DNAH9: variants seen among roughly 807,000 people sequenced by gnomAD.
DNAH9 encodes DNAH9 variant protein.
DNAH9 carries 345 observed loss-of-function variants against 471.6 expected under a neutral mutation model. The observed-to-expected ratio is 0.73, with a 90% confidence interval of 0.67 to 0.80. The LOEUF is 0.80. Among genes scored for constraint, DNAH9 ranks in the 30% least tolerant of loss-of-function variants. The pLI, the probability that DNAH9 is intolerant of heterozygous loss-of-function variation, is 0.00. For synonymous variants in DNAH9, 2,093 were observed against 2,123.6 expected (o/e 0.99, Z 0.40); for missense variants, 5,407 against 5,609.2 (o/e 0.96, Z 1.15).
At chr17:11,696,598 C>A (rs959347573) in intron 22 of DNAH9, among the ~76,000 whole-genome samples, 1 of 152,066 alleles carries the variant, frequency 6.6e-6, no homozygotes, top group Non-Finnish European at 1.5e-5. Context: ...TGAAAACATG[C>A]ATAAGTTGTT....
chr17:11,924,613 ACT>A (rs1356316221), intron 62 of DNAH9, among the ~76,000 whole-genome samples: 5 of 138,810 alleles, frequency 3.6e-5, no homozygotes, highest in Admixed American at 7.3e-5. Context: ...ATTACTACTA[ACT>A]CTTTTTTTTT....
chr17:11,662,747 C>CT (rs71142226), intron 14 of DNAH9, among the ~76,000 whole-genome samples: 18,266 of 45,376 alleles, frequency 0.4, 7,968 homozygotes, highest in East Asian at 0.58. Flanking sequence ...TTGAGGCTCG[C>CT]TTTTTTTTTT....
chr17:11,680,270 G>A (rs976090741), intron 18 of DNAH9, among the ~76,000 whole-genome samples: 3 of 151,458 alleles, frequency 2.0e-5, no homozygotes, highest in Admixed American at 1.3e-4. Flanking sequence ...TCTGAAATAT[G>A]TTAAGATGGT....
intron 41 of DNAH9, among the ~76,000 whole-genome samples, chr17:11,790,518 CAT>C (rs370234477): frequency 4.2e-4 from 64 of 151,964 alleles, no homozygotes; most frequent in African/African-American, 1.4e-3. Flanking sequence ...ATTTTTATGA[CAT>C]GTTTTCATTT....
chr17:11,810,349 T>C lies in DNAH9; in HGVS notation c.8687T>C (p.Ile2896Thr). 6.2e-7 allele frequency: 1 copy of C among 1,612,574 alleles called. No homozygotes were observed. The highest frequency in any genetic ancestry group is 8.5e-7 in the Non-Finnish European group (1 of 1,179,502). The part of the protein sequence containing the change: ...QVADERFLVL[I>T]NDLLASGEIP... ...GCTGATGAGAGGTTCCTTGTGCTCA[T>C]CAATGATCTTTTGGCATCTGGTAAG... Residue 2896 changes from isoleucine to threonine, a missense_variant, in exon 45 of 69, where the codon ATC becomes ACC. Physicochemically the swap from Ile to Thr is moderately conservative, Grantham distance 89. Around this residue, in one of 3 missense-constraint regions of DNAH9, gnomAD observed 4,636 missense variants for 4,900.3 expected, o/e 0.95. Coordinates refer to ENST00000262442, the MANE Select transcript of DNAH9 (RefSeq NM_001372.4).
chr17:11,785,159 G>C (rs1306188093), intron 41 of DNAH9, among the ~76,000 whole-genome samples: 1 of 152,016 alleles, frequency 6.6e-6, no homozygotes. Context: ...AAAGTCTCCA[G>C]AGGGCCATCT....
In DNAH9 at chr17:11,742,447, G is replaced by A. The variant is rs949053145; in HGVS notation, c.6111+134G>A. On this transcript the variant is annotated intron_variant, in intron 30 of 68. Transcript: ENST00000262442. ...AAGTCACTGTACCCATAAGCATGTC[G>A]AAACCTCTGAACACTTCCATATTAA... The A allele has an allele frequency of 2.4e-5, 20 of 820,188 alleles. 1 individual carries two copies. Among genetic ancestry groups the A allele is most frequent in the East Asian group, 1.3e-4 (5 of 39,052 alleles). 50.8% of individuals were successfully genotyped at this position (820,188 alleles called of 1,614,324 possible). A position where few individuals can be genotyped will look rare whatever the true frequency, so the allele number is the denominator to read the frequency against.
chr17:11,778,930 C>T (rs1257286980), intron 38 of DNAH9, among the ~76,000 whole-genome samples: 1 of 152,056 alleles, frequency 6.6e-6, no homozygotes, highest in Admixed American at 6.6e-5. Flanking sequence ...TGCTTGAACC[C>T]AGGAGGCAGA....
rs757408744 is a variant in DNAH9 at position 11,669,719 on chromosome 17, A to C, written c.3278A>C (p.Lys1093Thr). The change falls in exon 17 of 69, where the codon AAG becomes ACG. Residue 1093 changes from lysine (K) to threonine (T), a missense_variant. By Grantham distance (78) the Lys-to-Thr change is moderately conservative. Coordinates refer to ENST00000262442, the MANE Select transcript of DNAH9 (RefSeq NM_001372.4). The stretch of plus-strand genomic sequence containing the variant: ...ATGAAAATTGATATTCGACCCTTTA[A>C]GGCATCTCTGCTGAATATTATTAAG... ...GWMKIDIRPF[K>T]ASLLNIIKRW... is the part of the protein sequence containing the mutation. 11 of 1,614,040 alleles carry C rather than the reference A, an allele frequency of 6.8e-6. No homozygotes were observed. The highest frequency in any genetic ancestry group is 9.3e-6 in the Non-Finnish European group (11 of 1,180,020).
chr17:11,933,756 T>C (rs560893277), intron 64 of DNAH9, 124 bp from the exon 65 acceptor site: 2 of 850,408 alleles, frequency 2.4e-6, no homozygotes, highest in East Asian at 5.2e-5. Flanking sequence ...AAATAAGACA[T>C]TGCTCTCAAT....
chr17:11,844,092 G>C (rs1421023451), intron 49 of DNAH9, among the ~76,000 whole-genome samples: 2 of 150,994 alleles, frequency 1.3e-5, no homozygotes, highest in African/African-American at 4.9e-5. Context: ...GAATAATAAA[G>C]AAATAAAACT....
intron 62 of DNAH9, 23 bp from the exon 63 acceptor site, chr17:11,929,843 G>C (rs754778007): frequency 2.6e-5 from 41 of 1,599,336 alleles, no homozygotes; most frequent in South Asian, 1.3e-4. Context: ...TGTATTGAGG[G>C]GGGGCTCCTT....
chr17:11,950,928 A>T (rs1291826610), intron 67 of DNAH9, among the ~76,000 whole-genome samples: 1 of 152,158 alleles, frequency 6.6e-6, no homozygotes, highest in Non-Finnish European at 1.5e-5. Context: ...CATCACACTT[A>T]GTCCAGTGTA....
At chr17:11,799,657 G>A (rs554804027) in intron 43 of DNAH9, among the ~76,000 whole-genome samples, 1 of 149,762 alleles carries the variant, frequency 6.7e-6, no homozygotes, top group Non-Finnish European at 1.5e-5. Context: ...TGCGATCTCA[G>A]CTCACTGCAG....
chr17:11,624,246 C>A (rs141537558), intron 6 of DNAH9, among the ~76,000 whole-genome samples: 1 of 152,184 alleles, frequency 6.6e-6, no homozygotes, highest in African/African-American at 2.4e-5. Context: ...CAGTGGCTTA[C>A]GCCTGTAATC....
In DNAH9 at chr17:11,694,232, C is replaced by T. The variant is rs183527649; in HGVS notation, c.4746-89C>T. 232 of 1,425,686 alleles carry T rather than the reference C, an allele frequency of 1.6e-4. No individual in the cohort carries two copies. The African/African-American group carries it at 2.1e-3, about 13-fold the overall frequency. 88.3% of individuals were successfully genotyped at this position (1,425,686 alleles called of 1,614,324 possible). Reference sequence around the variant, plus strand: ...TCTTGTGCTAATGCATATGTTCCGTCTATTGCATATACATACATTTAAGTA... The same window carrying T: ...TCTTGTGCTAATGCATATGTTCCGTTTATTGCATATACATACATTTAAGTA... On this transcript the variant is annotated intron_variant, in intron 21 of 68. Coordinates refer to ENST00000262442, the MANE Select transcript of DNAH9 (RefSeq NM_001372.4).
chr17:11,685,260 CA>C (rs1185338456), intron 19 of DNAH9, among the ~76,000 whole-genome samples: 3 of 152,072 alleles, frequency 2.0e-5, no homozygotes, highest in Non-Finnish European at 4.4e-5. Context: ...GGAAAAAAAA[CA>C]GTTACAAAAT....
At chr17:11,900,673 A>T (rs1189684006) in intron 59 of DNAH9, among the ~76,000 whole-genome samples, 1 of 152,024 alleles carries the variant, frequency 6.6e-6, no homozygotes, top group East Asian at 1.9e-4. Context: ...TTTCTTCCCC[A>T]GTATCTGGCA....
At chr17:11,794,147 C>T (rs1969163003) in intron 42 of DNAH9, among the ~76,000 whole-genome samples, 1 of 149,382 alleles carries the variant, frequency 6.7e-6, no homozygotes, top group Non-Finnish European at 1.5e-5. Flanking sequence ...CAGGTTCATG[C>T]CATTCTCCTG....
Sources: allele counts gnomAD v4.1 joint callset (sites outside exome capture counted in the v4.1 genomes callset), GRCh38; gene constraint gnomAD v4.1.1; regional missense constraint gnomAD v4.1.1; transcripts MANE v1.5; gene names NCBI Gene and HGNC (gene_info 2026-07-23, HGNC 2026-07-21).